The following CELSR1 variants were observed in gnomAD, a reference collection of about 807,000 sequenced individuals.
CELSR1 encodes adhesion G protein-coupled receptor C1.
A neutral mutation model predicts 249.1 loss-of-function variants in CELSR1; 110 were observed. That is an observed-to-expected ratio of 0.44 (90% CI 0.38 to 0.52). CELSR1 has a LOEUF of 0.52. CELSR1 is among the 20% of genes least tolerant of loss of function. The pLI is 0.00. For missense variants in CELSR1, 4,109 were observed against 4,296.4 expected, an observed-to-expected ratio of 0.96 and a Z score of 1.22; for synonymous variants, 2,113 against 1,900.0, an observed-to-expected ratio of 1.11 and a Z score of -2.92.
Position 46,534,876 on chromosome 22 carries a change from G to C in CELSR1, c.2295C>G (p.Ser765=). 5 of 1,612,590 alleles carry C rather than the reference G, an allele frequency of 3.1e-6. No individual in the cohort carries two copies. The highest frequency in any genetic ancestry group is 1.1e-5 in the South Asian group (1 of 91,074). Reference sequence around the variant, plus strand: ...GCGCAGTGTGCGACCGTGTGCCGTCGGATGCTGTCACCGCCAGCACGTACT... The same window carrying C: ...GCGCAGTGTGCGACCGTGTGCCGTCCGATGCTGTCACCGCCAGCACGTACT... ...EQQYVLAVTA[S]DGTRSHTAHV... The change falls in exon 1 of 35, where the codon TCC becomes TCG. Residue 765 remains serine (S), a synonymous_variant. Coordinates refer to ENST00000674500, the MANE Select transcript of CELSR1 (RefSeq NM_001378328.1). The surrounding 1 kb of genome is among the most constrained non-coding windows in gnomAD (Gnocchi z 9.7).
chr22:46,453,091 C>T (rs532743345), intron 2 of CELSR1, among the ~76,000 whole-genome samples: 33 of 152,244 alleles, frequency 2.2e-4, no homozygotes, highest in Admixed American at 1.9e-3. Context: ...TGCCATGCCT[C>T]GGAGGGAGGC....
rs186678335 is a variant in CELSR1, at chr22:46,420,927, G to A, written c.4612-9168C>T. On this transcript the variant is annotated intron_variant, in intron 5 of 34. Coordinates refer to ENST00000674500, the MANE Select transcript of CELSR1 (RefSeq NM_001378328.1). ...ATAAGACAGGGAGAAGGTGGGGGCCGGGGATGGTCACGGCAGGAAAACGCG... is the reference window on the plus strand; with the variant it reads ...ATAAGACAGGGAGAAGGTGGGGGCCAGGGATGGTCACGGCAGGAAAACGCG... Among the ~76,000 whole-genome samples the A allele has an allele frequency of 4.6e-4, 70 of 152,256 alleles. No homozygotes were observed. In the East Asian group the frequency reaches 7.4e-3, roughly 16 times the overall value.
At chr22:46,491,067 C>T (rs867910260) in intron 1 of CELSR1, among the ~76,000 whole-genome samples, 1 of 152,036 alleles carries the variant, frequency 6.6e-6, no homozygotes, top group African/African-American at 2.4e-5. Flanking sequence ...TCTCCTGAGG[C>T]AGCTTCTCCA....
At chr22:46,452,047 C>T (rs569893031) in intron 2 of CELSR1, among the ~76,000 whole-genome samples, 76 of 152,154 alleles carry the variant, frequency 5.0e-4, no homozygotes, top group Non-Finnish European at 9.4e-4. Context: ...CTCCAGGAAG[C>T]GCAGCCGGCC....
intron 5 of CELSR1, among the ~76,000 whole-genome samples, chr22:46,416,709 A>T (rs6008814): frequency 0.32 from 48,982 of 152,058 alleles, 10,578 homozygotes; most frequent in African/African-American, 0.62. Flanking sequence ...CAGATCCGGA[A>T]TCCTGCTCCA....
rs1340880301 is a variant in CELSR1 at position 46,527,315 on chromosome 22, C to T, written c.3544+6312G>A. ...ATGTCCCCAGCTTCCCTCCCCTCCACTCTCACCGCCCAGCAGCTGGGACAT... is the reference window on the plus strand; with the variant it reads ...ATGTCCCCAGCTTCCCTCCCCTCCATTCTCACCGCCCAGCAGCTGGGACAT... On this transcript the variant is annotated intron_variant, in intron 1 of 34. Coordinates refer to ENST00000674500, the MANE Select transcript of CELSR1 (RefSeq NM_001378328.1). The surrounding 1 kb of genome is among the most constrained non-coding windows in gnomAD (Gnocchi z 5.5). Among the ~76,000 whole-genome samples the T allele has an allele frequency of 6.6e-6, 1 of 151,976 alleles. No homozygotes were observed. Among genetic ancestry groups the T allele is most frequent in the Non-Finnish European group, 1.5e-5 (1 of 67,902 alleles).
Position 46,365,531 on chromosome 22 carries a change from G to A in CELSR1, c.8404+55C>T, listed in dbSNP as rs557162851. The A allele has an allele frequency of 2.5e-4, 380 of 1,544,050 alleles. 2 individuals carry two copies. The African/African-American group carries it at 4.3e-3, about 17-fold the overall frequency. The stretch of plus-strand genomic sequence containing the variant: ...TTCAGGGGCAGTCTGTCCAGTGACC[G>A]AAGGGACGTGGGAAAAACAACCCAC... On this transcript the variant is annotated intron_variant, in intron 31 of 34. Coordinates refer to ENST00000674500, the MANE Select transcript of CELSR1 (RefSeq NM_001378328.1).
chr22:46,420,020 G>A (rs1053155901), intron 5 of CELSR1, among the ~76,000 whole-genome samples: 2 of 147,364 alleles, frequency 1.4e-5, no homozygotes, highest in African/African-American at 2.5e-5. Flanking sequence ...CAAAACCCAC[G>A]TGCACTTACC....
intron 5 of CELSR1, among the ~76,000 whole-genome samples, chr22:46,425,465 G>T (rs5768768): frequency 0.54 from 82,193 of 152,174 alleles, 25,303 homozygotes; most frequent in South Asian, 0.71. Context: ...CCTCAATAGT[G>T]TATACAGCCA....
At position 46,532,295 on chromosome 22, in the gene CELSR1, C is replaced by G. The variant is rs79113794; in HGVS notation, c.3544+1332G>C. ...AACTTCCTAAGAATATCCATAACCCCGGTTAATTCGCCCTTAAGGGCCTAT... is the reference window on the plus strand; with the variant it reads ...AACTTCCTAAGAATATCCATAACCCGGGTTAATTCGCCCTTAAGGGCCTAT... On this transcript the variant is annotated intron_variant, in intron 1 of 34. Transcript: ENST00000674500. 4.6e-5 allele frequency among the ~76,000 whole-genome samples: 7 copies of G among 152,328 alleles called. No individual in the cohort carries two copies. The East Asian group carries it at 1.3e-3, about 29-fold the overall frequency.
Position 46,439,250 on chromosome 22 carries a change from G to A in CELSR1, c.4345C>T (p.Pro1449Ser), listed in dbSNP as rs772974731. ...YCEVTTRSFP[P>S]QSFVTFRGLR... is the part of the protein sequence containing the mutation. ...CCCCGGAAGGTGACGAAGGACTGGG[G>A]CGGGAAGCTCCTGGTGGTCACCTCA... Residue 1449 changes from proline (P) to serine (S), a missense_variant, in exon 3 of 35, where the codon CCC becomes TCC. Physicochemically the swap from Pro to Ser is moderately conservative, Grantham distance 74. Coordinates refer to ENST00000674500, the MANE Select transcript of CELSR1 (RefSeq NM_001378328.1). The A allele has an allele frequency of 3.1e-6, 5 of 1,614,132 alleles. No individual in the cohort carries two copies. Among genetic ancestry groups the A allele is most frequent in the Admixed American group, 1.7e-5 (1 of 60,028 alleles).
chr22:46,508,126 C>T (rs936413018), intron 1 of CELSR1, among the ~76,000 whole-genome samples: 1 of 152,148 alleles, frequency 6.6e-6, no homozygotes, highest in South Asian at 2.1e-4. Flanking sequence ...TGTGACTCGG[C>T]CCTGCAGGCG....
rs370787092 is a variant in CELSR1 at position 46,413,019 on chromosome 22, C to T, written c.4612-1260G>A. The stretch of plus-strand genomic sequence containing the variant: ...TCCCAGCAGGGTCCCTCCCACCACC[C>T]CTATAAAGGATGGGTTCGATGCCTC... On this transcript the variant is annotated intron_variant, in intron 5 of 34. Coordinates refer to ENST00000674500, the MANE Select transcript of CELSR1 (RefSeq NM_001378328.1). The surrounding 1 kb of genome is among the most constrained non-coding windows in gnomAD (Gnocchi z 4.7). 3.0e-4 allele frequency among the ~76,000 whole-genome samples: 45 copies of T among 152,170 alleles called. No homozygotes were observed. The highest frequency in any genetic ancestry group is 1.1e-3 in the African/African-American group (44 of 41,434).
chr22:46,437,044 A>C lies in CELSR1; in HGVS notation c.4407-755T>G, dbSNP rs2079670598. ...CCTGCTGCATTCCAGAACCCAAAGA[A>C]GATCTGGTCCATATCAGTGCTTAAT... is the stretch of plus-strand genomic sequence containing the variant. On this transcript the variant is annotated intron_variant, in intron 3 of 34. Coordinates refer to ENST00000674500, the MANE Select transcript of CELSR1 (RefSeq NM_001378328.1). This position sits in a 1 kb window ranked among gnomAD's most constrained non-coding sequence, Gnocchi z 4.9. 6.6e-6 allele frequency among the ~76,000 whole-genome samples: 1 copy of C among 152,210 alleles called. No homozygotes were observed.
chr22:46,450,650 T>C (rs1289875721), intron 2 of CELSR1, among the ~76,000 whole-genome samples: 1 of 152,208 alleles, frequency 6.6e-6, no homozygotes, highest in African/African-American at 2.4e-5. Context: ...GTCCAGTGAA[T>C]GAGTGCACCT....
chr22:46,418,980 C>T (rs557041502), intron 5 of CELSR1, among the ~76,000 whole-genome samples: 2 of 152,192 alleles, frequency 1.3e-5, no homozygotes, highest in African/African-American at 4.8e-5. Flanking sequence ...CAGCACTGGA[C>T]GGAGATAAGC....
rs1027114319 is a variant in CELSR1 at position 46,445,772 on chromosome 22, G to A, written c.4184-6361C>T. ...GCGCCTGGCTGGCAGAGCCTTTCCC[G>A]TCGATGCTTCGGAGGTGGAAGCGTC... On this transcript the variant is annotated intron_variant, in intron 2 of 34. Transcript: ENST00000674500. This position sits in a 1 kb window ranked among gnomAD's most constrained non-coding sequence, Gnocchi z 4.4. Among the ~76,000 whole-genome samples, 7 of 152,098 alleles carry A rather than the reference G, an allele frequency of 4.6e-5. No individual in the cohort carries two copies. The highest frequency in any genetic ancestry group is 1.2e-4 in the African/African-American group (5 of 41,420).
chr22:46,380,741 T>C lies in CELSR1; in HGVS notation c.7256+47A>G. ...TGAGCCCCCGACCCTGCGGGGGCAC[T>C]CTGCCTTGGCAAAGCCCTCACATGG... is the stretch of plus-strand genomic sequence containing the variant. On this transcript the variant is annotated intron_variant, in intron 22 of 34. Coordinates refer to ENST00000674500, the MANE Select transcript of CELSR1 (RefSeq NM_001378328.1). The surrounding 1 kb of genome is among the most constrained non-coding windows in gnomAD (Gnocchi z 5.1). The C allele has an allele frequency of 6.3e-7, 1 of 1,595,588 alleles. No individual in the cohort carries two copies. Among genetic ancestry groups the C allele is most frequent in the Non-Finnish European group, 8.5e-7 (1 of 1,169,882 alleles).
Position 46,429,052 on chromosome 22 carries a change from G to A in CELSR1, c.4611+4341C>T, listed in dbSNP as rs192362907. On this transcript the variant is annotated intron_variant, in intron 5 of 34. Coordinates refer to ENST00000674500, the MANE Select transcript of CELSR1 (RefSeq NM_001378328.1). This position sits in a 1 kb window ranked among gnomAD's most constrained non-coding sequence, Gnocchi z 4.1. ...TCCTGGAACAAGGTGGGGTCTAAAC[G>A]TGATCCCCGCAGGCAGCCTCAGGGA... Among the ~76,000 whole-genome samples the A allele has an allele frequency of 1.6e-4, 24 of 152,230 alleles. No individual in the cohort carries two copies. The highest frequency in any genetic ancestry group is 1.9e-4 in the East Asian group (1 of 5,172).
Sources: allele counts gnomAD v4.1 joint callset (sites outside exome capture counted in the v4.1 genomes callset), GRCh38; gene constraint gnomAD v4.1.1; non-coding constraint Gnocchi (gnomAD v3.1); transcripts MANE v1.5; gene names NCBI Gene and HGNC (gene_info 2026-07-23, HGNC 2026-07-21).